MARCHF11: variants seen among roughly 807,000 people sequenced by gnomAD.
MARCHF11 encodes E3 ubiquitin-protein ligase MARCHF11.
In MARCHF11, 29 loss-of-function variants were observed where a neutral mutation model predicts 37.3. The ratio of observed to expected loss-of-function variants is 0.78; its 90% CI spans 0.58 to 1.06. The LOEUF (loss-of-function observed/expected upper bound fraction) is 1.06, where lower values mean the gene tolerates loss of function less well. MARCHF11 is among the 50% of genes least tolerant of loss of function. The probability of loss-of-function intolerance (pLI) is 0.00; values close to 1 mark genes in which losing one functional copy is unlikely to be tolerated. For missense variants in MARCHF11, 482 were observed against 533.4 expected, an observed-to-expected ratio of 0.90 and a Z score of 0.95; for synonymous variants, 233 against 228.0, an observed-to-expected ratio of 1.02 and a Z score of -0.20.
chr5:16,151,910 G>T (rs1374451796), intron 2 of MARCHF11, among the ~76,000 whole-genome samples: 1 of 151,812 alleles, frequency 6.6e-6, no homozygotes, highest in Non-Finnish European at 1.5e-5. Context: ...AAGACAAAAG[G>T]TAATATTCTT....
chr5:16,138,444 T>G (rs1454225780), intron 2 of MARCHF11, among the ~76,000 whole-genome samples: 1 of 152,214 alleles, frequency 6.6e-6, no homozygotes, highest in African/African-American at 2.4e-5. Context: ...AATGCCTGGA[T>G]GTCCAAGCAA....
At chr5:16,082,215 T>A (rs1481078131) in intron 3 of MARCHF11, among the ~76,000 whole-genome samples, 1 of 152,214 alleles carries the variant, frequency 6.6e-6, no homozygotes, top group Non-Finnish European at 1.5e-5. Context: ...GGACTCCTGT[T>A]GGAGGATAAG....
At chr5:16,168,113 T>TG (rs1260332058) in intron 2 of MARCHF11, among the ~76,000 whole-genome samples, 2 of 152,104 alleles carry the variant, frequency 1.3e-5, no homozygotes, top group Non-Finnish European at 2.9e-5. Context: ...AAGGGATGGT[T>TG]GGTGTTTTTA....
Position 16,164,056 on chromosome 5 carries a change from C to T in MARCHF11, c.693+13670G>A, listed in dbSNP as rs57228803. ...ACACCAAACCTGCTAGGGGCTTGATCCTGGCTTGCCAGCTTCCAGAACTGT... is the reference window on the plus strand; with the variant it reads ...ACACCAAACCTGCTAGGGGCTTGATTCTGGCTTGCCAGCTTCCAGAACTGT... On this transcript the variant is annotated intron_variant, in intron 2 of 3. Transcript: ENST00000332432. 9.8e-3 allele frequency among the ~76,000 whole-genome samples: 1,497 copies of T among 152,154 alleles called. 29 individuals are homozygous for T. Among genetic ancestry groups the T allele is most frequent in the African/African-American group, 0.034 (1,414 of 41,536 alleles).
intron 2 of MARCHF11, among the ~76,000 whole-genome samples, chr5:16,122,342 G>A (rs1266356680): frequency 6.6e-6 from 1 of 152,158 alleles, no homozygotes; most frequent in Non-Finnish European, 1.5e-5. Context: ...TTCATTATGA[G>A]AGCCAGTCTT....
Position 16,106,448 on chromosome 5 carries a change from A to T in MARCHF11, c.694-15367T>A, listed in dbSNP as rs182526957. On this transcript the variant is annotated intron_variant, in intron 2 of 3. Coordinates refer to ENST00000332432, the MANE Select transcript of MARCHF11 (RefSeq NM_001102562.3). ...ATACTGTGAGCTCTCTACAGGCAGG[A>T]TGTCTGAGTTCTGTGACTTGGCCCA... Among the ~76,000 whole-genome samples the T allele has an allele frequency of 3.0e-3, 451 of 152,302 alleles. 6 individuals carry two copies. Among genetic ancestry groups the T allele is most frequent in the African/African-American group, 9.8e-3 (408 of 41,562 alleles).
intron 2 of MARCHF11, among the ~76,000 whole-genome samples, chr5:16,171,676 C>G (rs1738268940): frequency 6.6e-6 from 1 of 152,138 alleles, no homozygotes; most frequent in African/African-American, 2.4e-5. Flanking sequence ...AATGGCCCTC[C>G]TAGCCTAAAA....
At chr5:16,107,866 G>A (rs961453932) in intron 2 of MARCHF11, among the ~76,000 whole-genome samples, 20 of 151,924 alleles carry the variant, frequency 1.3e-4, no homozygotes, top group African/African-American at 3.1e-4. Context: ...GAGTTCGGCC[G>A]CTGGATGGGC....
chr5:16,149,169 G>T (rs1330519398), intron 2 of MARCHF11, among the ~76,000 whole-genome samples: 1 of 152,036 alleles, frequency 6.6e-6, no homozygotes, highest in Non-Finnish European at 1.5e-5. Context: ...TACCCAGTGT[G>T]GCACTACTCC....
At chr5:16,127,668 T>G (rs1737434058) in intron 2 of MARCHF11, among the ~76,000 whole-genome samples, 1 of 152,180 alleles carries the variant, frequency 6.6e-6, no homozygotes. Context: ...CTAACTGTAG[T>G]GAGGCATCTG....
At chr5:16,070,890 A>G (rs1489741900) in intron 3 of MARCHF11, among the ~76,000 whole-genome samples, 1 of 152,158 alleles carries the variant, frequency 6.6e-6, no homozygotes, top group African/African-American at 2.4e-5. Context: ...CTCAGATTTT[A>G]CTGAAATGCA....
At chr5:16,081,498 C>T (rs1349495088) in intron 3 of MARCHF11, among the ~76,000 whole-genome samples, 1 of 152,136 alleles carries the variant, frequency 6.6e-6, no homozygotes, top group African/African-American at 2.4e-5. Context: ...TTCTTAGATC[C>T]CGGGCTGTAC....
At chr5:16,151,620 CTG>C (rs148381429) in intron 2 of MARCHF11, among the ~76,000 whole-genome samples, 6 of 111,878 alleles carry the variant, frequency 5.4e-5, no homozygotes, top group Non-Finnish European at 7.4e-5. Context: ...AGGAGCATGT[CTG>C]TGTGTGTGTG....
At chr5:16,101,786 G>A (rs1423910889) in intron 2 of MARCHF11, among the ~76,000 whole-genome samples, 1 of 152,166 alleles carries the variant, frequency 6.6e-6, no homozygotes, top group African/African-American at 2.4e-5. Context: ...TGCTTTTGGA[G>A]CAGAATTTTC....
At chr5:16,137,041 AAAAC>A (rs1737620629) in intron 2 of MARCHF11, among the ~76,000 whole-genome samples, 1 of 152,222 alleles carries the variant, frequency 6.6e-6, no homozygotes, top group South Asian at 2.1e-4. Context: ...ATTAAATAAT[AAAAC>A]AAATAACATA....
At chr5:16,169,941 A>G (rs1269918255) in intron 2 of MARCHF11, among the ~76,000 whole-genome samples, 3 of 152,112 alleles carry the variant, frequency 2.0e-5, no homozygotes, top group Non-Finnish European at 4.4e-5. Flanking sequence ...TTAGCAAAAC[A>G]TCAGTCACAT....
chr5:16,170,031 GT>G (rs1738232603), intron 2 of MARCHF11, among the ~76,000 whole-genome samples: 1 of 152,076 alleles, frequency 6.6e-6, no homozygotes, highest in African/African-American at 2.4e-5. Context: ...ATCTCCCTGG[GT>G]TTGAGTATTG....
chr5:16,140,760 C>T (rs1228056936), intron 2 of MARCHF11, among the ~76,000 whole-genome samples: 2 of 152,004 alleles, frequency 1.3e-5, no homozygotes, highest in Admixed American at 6.6e-5. Context: ...AAAATATGTC[C>T]ATATAATTAT....
At chr5:16,141,468 G>T (rs1402234730) in intron 2 of MARCHF11, 1 of 152,160 alleles carries the variant, frequency 6.6e-6, no homozygotes, top group Admixed American at 6.5e-5. Flanking sequence ...CCCAAGAAGC[G>T]CACAGTGTCC....
Sources: gnomAD v4.1 joint callset for allele counts (sites outside exome capture counted in the v4.1 genomes callset) on GRCh38, gnomAD v4.1.1 for gene constraint, MANE v1.5 for transcripts, NCBI Gene and HGNC (gene_info 2026-07-23, HGNC 2026-07-21) for gene names.